The following NNMT variants were observed in gnomAD, a reference collection of about 807,000 sequenced individuals.
NNMT encodes nicotinamide N-methyltransferase.
Under a neutral mutation model 11.7 loss-of-function variants are expected in NNMT, and 10 were observed. The ratio of observed to expected loss-of-function variants is 0.85; its 90% CI spans 0.53 to 1.45. The LOEUF (loss-of-function observed/expected upper bound fraction) is 1.45. Among genes scored for constraint, NNMT ranks in the 40% most tolerant of loss-of-function variants. The pLI is 0.00. For missense variants in NNMT, 381 were observed against 319.4 expected, an observed-to-expected ratio of 1.19 and a Z score of -1.47; for synonymous variants, 143 against 133.8, an observed-to-expected ratio of 1.07 and a Z score of -0.48.
chr11:114,281,652 G>A (rs1255141711), intron 2 of NNMT, among the ~76,000 whole-genome samples: 1 of 152,180 alleles, frequency 6.6e-6, no homozygotes, highest in Admixed American at 6.5e-5. Context: ...GTTTGGCACT[G>A]TTTACTGTTG....
At chr11:114,264,639 C>T (rs903382392) in intron 2 of NNMT, among the ~76,000 whole-genome samples, 2 of 152,152 alleles carry the variant, frequency 1.3e-5, no homozygotes, top group African/African-American at 4.8e-5. Flanking sequence ...GGGTTCAGTC[C>T]CACAAAAGCG....
At chr11:114,311,211 C>A (rs956664306) in intron 2 of NNMT, among the ~76,000 whole-genome samples, 1 of 152,126 alleles carries the variant, frequency 6.6e-6, no homozygotes, top group Non-Finnish European at 1.5e-5. Context: ...AGCCTGTAAT[C>A]CCAGTGCTTT....
Position 114,312,430 on chromosome 11 carries a change from G to A in NNMT, c.748G>A (p.Glu250Lys), listed in dbSNP as rs556654096. ...QSYSSTMANNEGLFSLVARKL... is the reference protein window; with the variant it reads ...QSYSSTMANNKGLFSLVARKL... ...TTATTCTTCCACCATGGCCAACAAC[G>A]AAGGACTTTTCTCCCTGGTGGCGAG... Residue 250 changes from glutamate to lysine, a missense_variant, in exon 3 of 3, where the codon GAA (glutamate) becomes AAA (lysine). Glu to Lys is a moderately conservative substitution (Grantham distance 56). Transcript: ENST00000299964. 1.1e-5 allele frequency: 17 copies of A among 1,614,164 alleles called. No homozygotes were observed. Among genetic ancestry groups the A allele is most frequent in the South Asian group, 3.3e-5 (3 of 91,088 alleles).
intron 2 of NNMT, among the ~76,000 whole-genome samples, chr11:114,301,161 T>G (rs895664991): frequency 5.9e-5 from 9 of 152,290 alleles, no homozygotes; most frequent in African/African-American, 2.2e-4. Flanking sequence ...GAATTAAAAA[T>G]GGTGTAGCCA....
chr11:114,282,019 A>T (rs1427101188), intron 2 of NNMT, among the ~76,000 whole-genome samples: 2 of 152,298 alleles, frequency 1.3e-5, no homozygotes, highest in Admixed American at 1.3e-4. Flanking sequence ...AGAGGTTAAG[A>T]TCATAAACCC....
At chr11:114,262,016 C>A (rs7924668) in intron 1 of NNMT, among the ~76,000 whole-genome samples, 4,039 of 152,092 alleles carry the variant, frequency 0.027, 185 homozygotes, top group African/African-American at 0.09. Context: ...GCCCAGAGTG[C>A]CCCTAGGGCT....
intron 2 of NNMT, 58 bp from the exon 3 acceptor site, chr11:114,311,987 G>C (rs1400041258): frequency 6.6e-7 from 1 of 1,511,078 alleles, no homozygotes; most frequent in African/African-American, 1.4e-5. Context: ...TGACCCAAGA[G>C]ATCTGGGTTC....
At chr11:114,284,053 G>C (rs1945279610) in intron 2 of NNMT, among the ~76,000 whole-genome samples, 1 of 152,206 alleles carries the variant, frequency 6.6e-6, no homozygotes, top group Non-Finnish European at 1.5e-5. Context: ...GTCCCAGTAA[G>C]TTTTGTAAGT....
intron 1 of NNMT, among the ~76,000 whole-genome samples, chr11:114,258,261 G>T (rs867174394): frequency 6.6e-6 from 1 of 152,222 alleles, no homozygotes; most frequent in Admixed American, 6.5e-5. Flanking sequence ...GGAGCTCCCC[G>T]CATGCCCTGT....
At chr11:114,296,747 A>G in intron 1 of NNMT, 37 bp downstream of exon 1, 1 of 1,606,980 alleles carries the variant, frequency 6.2e-7, no homozygotes, top group Non-Finnish European at 8.5e-7. Flanking sequence ...CACTAATGTG[A>G]GTCATATAGA....
At chr11:114,262,172 T>C (rs1945088541) in intron 1 of NNMT, among the ~76,000 whole-genome samples, 1 of 152,172 alleles carries the variant, frequency 6.6e-6, no homozygotes, top group Non-Finnish European at 1.5e-5. Context: ...TAAATCCAAC[T>C]GCCCTTTTTA....
At chr11:114,310,798 C>G (rs906773206) in intron 2 of NNMT, among the ~76,000 whole-genome samples, 11 of 152,262 alleles carry the variant, frequency 7.2e-5, no homozygotes, top group African/African-American at 2.4e-4. Context: ...TTAACACACT[C>G]AATGTTTCTT....
chr11:114,279,460 T>C (rs927079801), intron 2 of NNMT, among the ~76,000 whole-genome samples: 4 of 152,184 alleles, frequency 2.6e-5, no homozygotes, highest in Admixed American at 6.5e-5. Context: ...AAGGCATTCC[T>C]GCTAGAGGAA....
In NNMT at chr11:114,312,391, G is replaced by T; in HGVS notation, c.709G>T (p.Val237Leu). Residue 237 changes from valine to leucine, a missense_variant, in exon 3 of 3, where the codon GTG becomes TTG. Val to Leu is a conservative substitution (Grantham distance 32, BLOSUM62 1). Coordinates refer to ENST00000299964, the MANE Select transcript of NNMT (RefSeq NM_006169.3). ...TGGCTACACAATCGAATGGTTTGAG[G>T]TGATCTCGCAAAGTTATTCTTCCAC... is the stretch of plus-strand genomic sequence containing the variant. ...EAGYTIEWFE[V>L]ISQSYSSTMA... 1 of 1,614,246 alleles carries T rather than the reference G, an allele frequency of 6.2e-7. No individual in the cohort carries two copies.
chr11:114,264,435 A>G (rs1410221742), intron 2 of NNMT, among the ~76,000 whole-genome samples: 4 of 152,132 alleles, frequency 2.6e-5, no homozygotes, highest in Non-Finnish European at 4.4e-5. Context: ...AAAATATAGG[A>G]TTAACAAACT....
intron 1 of NNMT, chr11:114,297,352 T>C (rs1049881132): frequency 6.6e-6 from 1 of 152,078 alleles, no homozygotes; most frequent in Non-Finnish European, 1.5e-5. Flanking sequence ...TTAAATTTTA[T>C]TAAAGTTTGA....
At position 114,297,990 on chromosome 11, in the gene NNMT, G is replaced by T; in HGVS notation, c.194G>T (p.Gly65Val). ...KGDLLIDIGS[G>V]PTIYQLLSAC... is the part of the protein sequence containing the mutation. ...GACCTGCTGATTGACATCGGCTCTGGCCCCACTATCTATCAGCTCCTCTCT... is the reference window on the plus strand; with the variant it reads ...GACCTGCTGATTGACATCGGCTCTGTCCCCACTATCTATCAGCTCCTCTCT... The change falls in exon 2 of 3, where the codon GGC becomes GTC. Residue 65 changes from glycine to valine, a missense_variant. Coordinates refer to ENST00000299964, the MANE Select transcript of NNMT (RefSeq NM_006169.3). 1.2e-6 allele frequency: 2 copies of T among 1,613,436 alleles called. No individual in the cohort carries two copies. The highest frequency in any genetic ancestry group is 1.7e-6 in the Non-Finnish European group (2 of 1,180,020).
chr11:114,279,555 AG>A (rs1460319793), intron 2 of NNMT, among the ~76,000 whole-genome samples: 1 of 152,186 alleles, frequency 6.6e-6, no homozygotes, highest in Non-Finnish European at 1.5e-5. Flanking sequence ...CTAGAGGCTG[AG>A]TGTTAACCCC....
chr11:114,298,961 C>T (rs1945411573), intron 2 of NNMT, among the ~76,000 whole-genome samples: 1 of 152,196 alleles, frequency 6.6e-6, no homozygotes. Context: ...CCCAACTGAC[C>T]ATTCACTCCT....
Sources: allele counts gnomAD v4.1 joint callset (sites outside exome capture counted in the v4.1 genomes callset), GRCh38; gene constraint gnomAD v4.1.1; transcripts MANE v1.5; gene names NCBI Gene and HGNC (gene_info 2026-07-23, HGNC 2026-07-21).